Variants in SH2B2 observed in about 807,000 individuals in gnomAD.
The protein encoded by SH2B2 is SH2B adaptor protein 2, also known as SH2B adapter protein 2.
In SH2B2, 37 loss-of-function variants were observed where a neutral mutation model predicts 35.7. That is an observed-to-expected ratio of 1.04 (90% confidence interval 0.80 to 1.36). The LOEUF is 1.36. Ranked by LOEUF, SH2B2 falls within the 40% of genes most tolerant of loss-of-function variation. SH2B2 has a pLI of 0.00. For missense variants in SH2B2, 852 were observed against 817.7 expected (o/e 1.04, Z -0.51); for synonymous variants, 383 against 376.4 (o/e 1.02, Z -0.20).
intron 2 of SH2B2, 94 bp downstream of exon 2, chr7:102,301,373 G>T (rs140900956): frequency 0.016 from 22,115 of 1,413,706 alleles, 224 homozygotes; most frequent in Non-Finnish European, 0.017. Flanking sequence ...TGGGGACCGC[G>T]TGGTCTAATC....
chr7:102,295,874 G>C (rs899552991), intron 1 of SH2B2, among the ~76,000 whole-genome samples: 1 of 152,086 alleles, frequency 6.6e-6, no homozygotes, highest in Non-Finnish European at 1.5e-5. Context: ...CCCCACCTTC[G>C]TGAACTCTAA....
chr7:102,313,865 C>T (rs972912814), intron 4 of SH2B2, among the ~76,000 whole-genome samples: 46 of 151,736 alleles, frequency 3.0e-4, no homozygotes, highest in South Asian at 1.5e-3. Context: ...GAGCCGAGAT[C>T]GCGCCACTGC....
intron 6 of SH2B2, 37 bp downstream of exon 6, chr7:102,314,719 T>G (rs1793753537): frequency 5.0e-6 from 2 of 398,550 alleles, no homozygotes; most frequent in Non-Finnish European, 8.8e-6. Context: ...CCATCCCACC[T>G]CTCCTGGACC....
At chr7:102,309,351 CTCTCT>C in intron 4 of SH2B2, 10 of 305,534 alleles carry the variant, frequency 3.3e-5, no homozygotes, top group Admixed American at 1.3e-4. Flanking sequence ...CTCTCTCTCT[CTCTCT>C]TTTTTTTTTT....
intron 6 of SH2B2, among the ~76,000 whole-genome samples, chr7:102,315,198 A>AG (rs1554556731): frequency 1.3e-5 from 2 of 151,548 alleles, no homozygotes; most frequent in African/African-American, 4.9e-5. Context: ...CAAAAAAAAA[A>AG]GAAAGAAAAG....
intron 4 of SH2B2, among the ~76,000 whole-genome samples, chr7:102,310,297 C>T (rs993646939): frequency 6.6e-6 from 1 of 152,174 alleles, no homozygotes; most frequent in African/African-American, 2.4e-5. Context: ...GTCTGAGCGA[C>T]AGAGCAAGAC....
In SH2B2 at chr7:102,308,896, G is replaced by C. The variant is rs782217558; in HGVS notation, c.913G>C (p.Val305Leu). The change falls in exon 4 of 9, where the codon GTG (valine) becomes CTG (leucine). Residue 305 changes from valine (V) to leucine (L), a missense_variant. Val to Leu is a conservative substitution (Grantham distance 32). Coordinates refer to ENST00000444095, the MANE Select transcript of SH2B2 (RefSeq NM_001359228.2). ...GTGGGTAGCTGACATCCAGGGCTGC[G>C]TGGACCCCGGGTGAGTGTCCAAGTG... ...HSWVADIQGC[V>L]DPGDSEEDTE... is the part of the protein sequence containing the mutation. 6.2e-7 allele frequency: 1 copy of C among 1,613,288 alleles called. No homozygotes were observed. The highest frequency in any genetic ancestry group is 2.2e-5 in the East Asian group (1 of 44,890).
chr7:102,296,464 G>T (rs1000177734), intron 1 of SH2B2, among the ~76,000 whole-genome samples: 21 of 152,296 alleles, frequency 1.4e-4, no homozygotes, highest in Admixed American at 9.2e-4. Context: ...GACTCCCCAG[G>T]CACTACATCA....
intron 7 of SH2B2, 116 bp from the exon 8 acceptor site, chr7:102,320,215 C>G (rs1793999817): frequency 1.1e-6 from 1 of 878,438 alleles, no homozygotes; most frequent in Admixed American, 2.3e-5. Context: ...GCCCCCGGCC[C>G]TGACACAGCC....
chr7:102,306,670 AG>A, intron 2 of SH2B2, 50 bp from the exon 3 acceptor site: 2 of 1,350,836 alleles, frequency 1.5e-6, no homozygotes, highest in South Asian at 2.5e-5. Context: ...GGGGATGGAA[AG>A]GGTGTCGGGA....
chr7:102,288,263 T>C (rs1342277798), intron 1 of SH2B2, among the ~76,000 whole-genome samples: 1 of 151,756 alleles, frequency 6.6e-6, no homozygotes, highest in Non-Finnish European at 1.5e-5. Flanking sequence ...CAGGAAGAGG[T>C]TGGGAGAGTG....
At chr7:102,316,085 G>A (rs1404871168) in intron 6 of SH2B2, among the ~76,000 whole-genome samples, 1 of 151,756 alleles carries the variant, frequency 6.6e-6, no homozygotes, top group East Asian at 2.0e-4. Flanking sequence ...TTCCAGACTA[G>A]TCTGGGCAAC....
intron 1 of SH2B2, among the ~76,000 whole-genome samples, chr7:102,290,243 T>G (rs1251955390): frequency 5.9e-5 from 1 of 17,022 alleles, no homozygotes; most frequent in African/African-American, 7.4e-4. Context: ...ATACCCCCCT[T>G]TTTTTTTTTT....
At chr7:102,311,785 T>C (rs1417253443) in intron 4 of SH2B2, among the ~76,000 whole-genome samples, 1 of 152,060 alleles carries the variant, frequency 6.6e-6, no homozygotes, top group African/African-American at 2.4e-5. Flanking sequence ...GACTCAAAGA[T>C]ACAGGGGAGG....
chr7:102,319,834 G>C (rs782708657), intron 7 of SH2B2, among the ~76,000 whole-genome samples: 2 of 151,840 alleles, frequency 1.3e-5, no homozygotes, highest in Non-Finnish European at 2.9e-5. Context: ...CACAGCGTGC[G>C]GTCACTCCTC....
chr7:102,300,074 C>T (rs1183853004), intron 1 of SH2B2, among the ~76,000 whole-genome samples: 1 of 152,244 alleles, frequency 6.6e-6, no homozygotes, highest in African/African-American at 2.4e-5. Flanking sequence ...TGTGCCACCA[C>T]TCCTGGCTAA....
chr7:102,300,762 A>G lies in SH2B2; in HGVS notation c.212A>G (p.Asp71Gly). The G allele has an allele frequency of 6.5e-7, 1 of 1,535,630 alleles. No homozygotes were observed. The change falls in exon 2 of 9, where the codon GAC becomes GGC. Residue 71 changes from aspartate (D) to glycine (G), a missense_variant. Coordinates refer to ENST00000444095, the MANE Select transcript of SH2B2 (RefSeq NM_001359228.2). The stretch of plus-strand genomic sequence containing the variant: ...CGCCACTTCGCCGCCAACTTCCTGG[A>G]CGTCTTCGGCGAGGAGGTGCGCCGC... Reference protein sequence around the residue: ...FSRHFAANFLDVFGEEVRRVL... With the variant: ...FSRHFAANFLGVFGEEVRRVL...
rs1463310094 is a variant in SH2B2, at chr7:102,321,475, C to G, written c.1744C>G (p.Pro582Ala). The change falls in exon 9 of 9, where the codon CCC becomes GCC. Residue 582 changes from proline (P) to alanine (A), a missense_variant. Physicochemically the swap from Pro to Ala is conservative, Grantham distance 27 (BLOSUM62 -1). Transcript: ENST00000444095. ...GTCCTCTGCCGCGTCGGGGCCCGCC[C>G]CCCCGCGCCCCGTCGAGGGCCAGCT... ...SSSSAASGPAPPRPVEGQLSA... is the reference protein window; with the variant it reads ...SSSSAASGPAAPRPVEGQLSA... The G allele has an allele frequency of 5.1e-6, 6 of 1,186,990 alleles. No individual in the cohort carries two copies. Among genetic ancestry groups the G allele is most frequent in the East Asian group, 7.9e-5 (2 of 25,212 alleles). The allele number at this position is 1,186,990 out of a possible 1,614,324, so 73.5% of individuals were successfully genotyped here.
In SH2B2 at chr7:102,317,146, T is replaced by C. The variant is rs1345869273; in HGVS notation, c.1187-41T>C. On this transcript the variant is annotated intron_variant, in intron 6 of 8. Coordinates refer to ENST00000444095, the MANE Select transcript of SH2B2 (RefSeq NM_001359228.2). ...ACATTTATTTATTTGTCCCCCTTTC[T>C]CCTTCCCCCCATGTTCCTCACACTG... is the stretch of plus-strand genomic sequence containing the variant. The C allele has an allele frequency of 3.4e-6, 5 of 1,481,766 alleles. No homozygotes were observed. The Admixed American group carries it at 8.2e-5, about 24-fold the overall frequency. The allele number at this position is 1,481,766 out of a possible 1,614,324, so 91.8% of individuals were successfully genotyped here. A position where few individuals can be genotyped will look rare whatever the true frequency, so the allele number is the denominator to read the frequency against.
Sources: gnomAD v4.1 joint callset for allele counts (sites outside exome capture counted in the v4.1 genomes callset) on GRCh38, gnomAD v4.1.1 for gene constraint, MANE v1.5 for transcripts, NCBI Gene and HGNC (gene_info 2026-07-23, HGNC 2026-07-21) for gene names.